NRXN1: variants seen among roughly 807,000 people sequenced by gnomAD.
The protein encoded by NRXN1 is neurexin-1.
Under a neutral mutation model 150.9 loss-of-function variants are expected in NRXN1, and 39 were observed. The ratio of observed to expected loss-of-function variants is 0.26; its 90% confidence interval spans 0.20 to 0.34. The LOEUF (loss-of-function observed/expected upper bound fraction) is 0.34, where lower values mean the gene tolerates loss of function less well. Ranked by LOEUF, NRXN1 falls within the 10% of genes least tolerant of loss-of-function variation. The pLI is 1.00. For synonymous variants in NRXN1, 924 were observed against 757.0 expected (o/e 1.22, Z -3.62); for missense variants, 1,815 against 1,949.9 (o/e 0.93, Z 1.30).
chr2:50,162,384 T>C (rs990826908), intron 18 of NRXN1, among the ~76,000 whole-genome samples: 1 of 152,148 alleles, frequency 6.6e-6, no homozygotes, highest in South Asian at 2.1e-4. Flanking sequence ...ACTCTGCCTA[T>C]AAACATTGTC....
intron 17 of NRXN1, among the ~76,000 whole-genome samples, chr2:50,426,670 G>A (rs906022452): frequency 1.3e-5 from 2 of 152,066 alleles, no homozygotes; most frequent in Admixed American, 6.6e-5. Flanking sequence ...TTTCCCTGAG[G>A]GATGCAGTTA....
chr2:50,027,270 T>TCCTTCCTTCCTC (rs553083762), intron 21 of NRXN1, among the ~76,000 whole-genome samples: 4 of 151,706 alleles, frequency 2.6e-5, no homozygotes, highest in Non-Finnish European at 5.9e-5. Context: ...TTTCCTTCCT[T>TCCTTCCTTCCTC]CCTTCCTTCC....
At chr2:50,668,011 G>T (rs1270602054) in intron 5 of NRXN1, among the ~76,000 whole-genome samples, 3 of 151,966 alleles carry the variant, frequency 2.0e-5, no homozygotes, top group African/African-American at 7.2e-5. Flanking sequence ...ATCAATGATG[G>T]TTTCTCTTGG....
intron 17 of NRXN1, among the ~76,000 whole-genome samples, chr2:50,423,431 C>A (rs903136435): frequency 6.6e-6 from 1 of 151,926 alleles, no homozygotes; most frequent in African/African-American, 2.4e-5. Flanking sequence ...TGCTGTTTGG[C>A]TTTGTGTCCT....
intron 5 of NRXN1, among the ~76,000 whole-genome samples, chr2:50,894,329 CAA>C (rs201262840): frequency 7.3e-6 from 1 of 136,470 alleles, no homozygotes. Flanking sequence ...AAAATAAAAC[CAA>C]AAAAAAAAAC....
At chr2:50,846,968 T>C (rs537527838) in intron 5 of NRXN1, among the ~76,000 whole-genome samples, 5 of 152,286 alleles carry the variant, frequency 3.3e-5, no homozygotes, top group Middle Eastern at 6.8e-3. Context: ...AAAAGAATGA[T>C]TGGATAAAAA....
At chr2:50,219,932 T>TA (rs202061378) in intron 18 of NRXN1, among the ~76,000 whole-genome samples, 24 of 70,568 alleles carry the variant, frequency 3.4e-4, no homozygotes, top group Middle Eastern at 5.5e-3. Flanking sequence ...CTATATTATA[T>TA]ATATTATATA....
chr2:50,458,084 A>G (rs1405402041), intron 17 of NRXN1, among the ~76,000 whole-genome samples: 1 of 152,184 alleles, frequency 6.6e-6, no homozygotes, highest in African/African-American at 2.4e-5. Flanking sequence ...AATCAACCTA[A>G]GAATCTGTGG....
At chr2:50,533,584 C>T (rs1472593021) in intron 10 of NRXN1, among the ~76,000 whole-genome samples, 1 of 152,080 alleles carries the variant, frequency 6.6e-6, no homozygotes, top group Non-Finnish European at 1.5e-5. Context: ...CACTAATGTC[C>T]CTCAGACTTT....
At chr2:50,402,611 T>C (rs2082466090) in intron 17 of NRXN1, among the ~76,000 whole-genome samples, 1 of 152,102 alleles carries the variant, frequency 6.6e-6, no homozygotes, top group East Asian at 1.9e-4. Context: ...TTAGGCCATA[T>C]CATGTTTTGA....
chr2:50,297,213 A>T (rs868154943), intron 17 of NRXN1, among the ~76,000 whole-genome samples: 6 of 152,058 alleles, frequency 3.9e-5, no homozygotes, highest in Middle Eastern at 3.2e-3. Context: ...TAATGGCTGT[A>T]TAGTATTCTG....
chr2:50,579,670 T>C (rs1239267360), intron 8 of NRXN1, among the ~76,000 whole-genome samples: 1 of 152,028 alleles, frequency 6.6e-6, no homozygotes, highest in Non-Finnish European at 1.5e-5. Flanking sequence ...AAAATATATA[T>C]ATTTTGGAGT....
chr2:50,772,952 C>T (rs1042826331), intron 5 of NRXN1, among the ~76,000 whole-genome samples: 13 of 152,060 alleles, frequency 8.5e-5, no homozygotes, highest in Non-Finnish European at 2.9e-5. Context: ...ATCATATTGC[C>T]AATAAAGAGC....
chr2:50,562,060 T>C (rs1669173444), intron 8 of NRXN1, among the ~76,000 whole-genome samples: 1 of 152,178 alleles, frequency 6.6e-6, no homozygotes, highest in African/African-American at 2.4e-5. Context: ...ACTATTATTA[T>C]TATTTTATTA....
chr2:51,017,792 G>A lies in NRXN1; in HGVS notation c.772+9710C>T, dbSNP rs549948581. On this transcript the variant is annotated intron_variant, in intron 2 of 22. Coordinates refer to ENST00000401669, the MANE Select transcript of NRXN1 (RefSeq NM_001330078.2). The stretch of plus-strand genomic sequence containing the variant: ...AAACATTTAACATTTGTAGCATCAC[G>A]TATAATTTTAAATAAATAATTACAT... 1.1e-4 allele frequency among the ~76,000 whole-genome samples: 16 copies of A among 151,954 alleles called. No homozygotes were observed. In the South Asian group the frequency reaches 2.9e-3, roughly 28 times the overall value.
chr2:50,268,550 C>G (rs1558415087), intron 17 of NRXN1, among the ~76,000 whole-genome samples: 1 of 152,112 alleles, frequency 6.6e-6, no homozygotes, highest in African/African-American at 2.4e-5. Flanking sequence ...AGCTCACAGA[C>G]TCAGGGAGTC....
At chr2:50,547,499 A>G (rs2093521109) in intron 9 of NRXN1, 1 of 152,152 alleles carries the variant, frequency 6.6e-6, no homozygotes, top group Non-Finnish European at 1.5e-5. Context: ...TGAGGGTGGG[A>G]CCAGAGAAGA....
chr2:50,030,939 G>C (rs1214584043), intron 21 of NRXN1, among the ~76,000 whole-genome samples: 1 of 152,010 alleles, frequency 6.6e-6, no homozygotes, highest in African/African-American at 2.4e-5. Context: ...ACTAGAGTTT[G>C]TATATATACT....
chr2:50,570,740 T>TTTTA (rs1553808986), intron 8 of NRXN1, among the ~76,000 whole-genome samples: 4,695 of 151,882 alleles, frequency 0.031, 81 homozygotes, highest in East Asian at 0.068. Context: ...GGCAGTCATG[T>TTTTA]TATATATATA....
Sources: allele counts gnomAD v4.1 joint callset (sites outside exome capture counted in the v4.1 genomes callset), GRCh38; gene constraint gnomAD v4.1.1; transcripts MANE v1.5; gene names NCBI Gene and HGNC (gene_info 2026-07-23, HGNC 2026-07-21).